The following EXOC6B variants were observed in gnomAD, a reference collection of about 807,000 sequenced individuals.
EXOC6B encodes the protein exocyst complex component 6B.
A neutral mutation model predicts 113.5 loss-of-function variants in EXOC6B; 54 were observed. The observed-to-expected ratio is 0.48, with a 90% CI of 0.38 to 0.60. EXOC6B has a LOEUF of 0.60. EXOC6B is among the 20% of genes least tolerant of loss of function. EXOC6B has a pLI of 0.00. For synonymous variants in EXOC6B, 357 were observed against 339.0 expected (o/e 1.05, Z -0.58); for missense variants, 797 against 977.5 (o/e 0.82, Z 2.46).
At chr2:72,540,056 T>C (rs1489329078) in intron 8 of EXOC6B, among the ~76,000 whole-genome samples, 3 of 151,148 alleles carry the variant, frequency 2.0e-5, no homozygotes, top group Non-Finnish European at 4.4e-5. Flanking sequence ...TTTGGTTTTT[T>C]GTTCTTGCGA....
chr2:72,706,317 C>A (rs1678875177), intron 6 of EXOC6B, among the ~76,000 whole-genome samples: 1 of 152,142 alleles, frequency 6.6e-6, no homozygotes, highest in African/African-American at 2.4e-5. Flanking sequence ...GTGTCATGGT[C>A]AGGAGGCTGG....
intron 6 of EXOC6B, among the ~76,000 whole-genome samples, chr2:72,667,027 T>C (rs928285845): frequency 6.6e-5 from 10 of 152,106 alleles, no homozygotes; most frequent in Non-Finnish European, 1.5e-5. Context: ...CACAGCCAGC[T>C]AATTTTTTTG....
intron 18 of EXOC6B, among the ~76,000 whole-genome samples, chr2:72,417,888 A>C (rs145571931): frequency 6.6e-6 from 1 of 151,918 alleles, no homozygotes; most frequent in African/African-American, 2.4e-5. Context: ...ATATATTTTT[A>C]TCTTATTTTG....
chr2:72,344,830 G>A (rs746959204), intron 19 of EXOC6B, among the ~76,000 whole-genome samples: 1 of 151,840 alleles, frequency 6.6e-6, no homozygotes, highest in South Asian at 2.1e-4. Context: ...AGAAGTAGGG[G>A]GAAAAAAAAG....
intron 20 of EXOC6B, among the ~76,000 whole-genome samples, chr2:72,265,787 T>A (rs1684037161): frequency 6.6e-6 from 1 of 152,162 alleles, no homozygotes; most frequent in African/African-American, 2.4e-5. Flanking sequence ...GATGGCTGGG[T>A]CAAATGGTAT....
chr2:72,794,110 G>A lies in EXOC6B; in HGVS notation c.113+31688C>T, dbSNP rs573733174. On this transcript the variant is annotated intron_variant, in intron 1 of 21. Transcript: ENST00000272427. Reference sequence around the variant, plus strand: ...GTTTTTCAGTACACTCACATTAATCGTCATATATAAACATCCTGTCACATG... The same window carrying A: ...GTTTTTCAGTACACTCACATTAATCATCATATATAAACATCCTGTCACATG... Among the ~76,000 whole-genome samples, 16 of 152,252 alleles carry A rather than the reference G, an allele frequency of 1.1e-4. 1 individual carries two copies. The South Asian group carries it at 2.9e-3, about 28-fold the overall frequency.
Position 72,522,863 on chromosome 2 carries a change from T to A in EXOC6B, c.916-7737A>T, listed in dbSNP as rs915315583. ...TTTCATTGAACTTTGCATACAAAAATCTGTTCTCCAGCATCATAATTTAGC... is the reference window on the plus strand; with the variant it reads ...TTTCATTGAACTTTGCATACAAAAAACTGTTCTCCAGCATCATAATTTAGC... On this transcript the variant is annotated intron_variant, in intron 8 of 21. Coordinates refer to ENST00000272427, the MANE Select transcript of EXOC6B (RefSeq NM_015189.3). 4.6e-5 allele frequency among the ~76,000 whole-genome samples: 7 copies of A among 152,186 alleles called. No homozygotes were observed. In the South Asian group the frequency reaches 1.4e-3, roughly 31 times the overall value.
intron 20 of EXOC6B, among the ~76,000 whole-genome samples, chr2:72,316,460 C>T (rs1156774149): frequency 6.6e-6 from 1 of 152,126 alleles, no homozygotes; most frequent in Non-Finnish European, 1.5e-5. Flanking sequence ...TTTGCCTTTT[C>T]CAGGGCTGTG....
intron 18 of EXOC6B, chr2:72,461,514 T>C (rs1235073657): frequency 6.6e-6 from 1 of 151,994 alleles, no homozygotes; most frequent in African/African-American, 2.4e-5. Flanking sequence ...AATGAATAAA[T>C]ATAAATTTAC....
At chr2:72,744,402 G>A (rs1350594369) in intron 1 of EXOC6B, among the ~76,000 whole-genome samples, 1 of 152,170 alleles carries the variant, frequency 6.6e-6, no homozygotes, top group Non-Finnish European at 1.5e-5. Context: ...GCTTTGACAA[G>A]TAGGAAAACT....
At chr2:72,444,709 C>T (rs976391277) in intron 18 of EXOC6B, among the ~76,000 whole-genome samples, 1 of 152,224 alleles carries the variant, frequency 6.6e-6, no homozygotes, top group African/African-American at 2.4e-5. Context: ...AGGGCCTGAG[C>T]TGTAGCTTGG....
At chr2:72,476,010 T>A (rs1015644305) in intron 17 of EXOC6B, among the ~76,000 whole-genome samples, 1 of 152,186 alleles carries the variant, frequency 6.6e-6, no homozygotes, top group African/African-American at 2.4e-5. Context: ...TAATGCGCTA[T>A]CTGTTGGAGT....
chr2:72,683,952 G>C (rs1676899582), intron 6 of EXOC6B, among the ~76,000 whole-genome samples: 1 of 152,038 alleles, frequency 6.6e-6, no homozygotes, highest in African/African-American at 2.4e-5. Flanking sequence ...ATTTATTTGA[G>C]ACAGAGTATT....
At chr2:72,725,386 C>A (rs996369184) in intron 5 of EXOC6B, among the ~76,000 whole-genome samples, 3 of 152,112 alleles carry the variant, frequency 2.0e-5, no homozygotes, top group African/African-American at 7.2e-5. Context: ...ACATTAAAGT[C>A]AAATAATAAG....
intron 8 of EXOC6B, chr2:72,515,646 T>A (rs1701174705): frequency 1.0e-6 from 1 of 989,114 alleles, no homozygotes; most frequent in Non-Finnish European, 1.2e-6. Flanking sequence ...AACAAAAGCA[T>A]GAAGATTCCT....
intron 6 of EXOC6B, among the ~76,000 whole-genome samples, chr2:72,580,292 C>A (rs1705142951): frequency 6.6e-6 from 1 of 151,644 alleles, no homozygotes; most frequent in South Asian, 2.1e-4. Context: ...CAGGCACGTG[C>A]CACCATGCTC....
intron 20 of EXOC6B, among the ~76,000 whole-genome samples, chr2:72,293,816 T>G (rs955162403): frequency 3.3e-5 from 5 of 152,090 alleles, no homozygotes; most frequent in Non-Finnish European, 7.4e-5. Flanking sequence ...AAGACCGTAG[T>G]GAATCATACA....
At position 72,194,569 on chromosome 2, in the gene EXOC6B, T is replaced by TTCTCTCTCTCTCTCTCTC. The variant is rs141826011; in HGVS notation, c.2197-10400_2197-10383dup. ...GCTCCCAATTGCTTGGGTGAATGAT[T>TTCTCTCTCTCTCTCTCTC]TCTCTCTCTCTCTCTCTCTCTCTCT... On this transcript the variant is annotated intron_variant, in intron 20 of 21. Coordinates refer to ENST00000272427, the MANE Select transcript of EXOC6B (RefSeq NM_015189.3). 2.4e-3 allele frequency among the ~76,000 whole-genome samples: 344 copies of TTCTCTCTCTCTCTCTCTC among 143,868 alleles called. 3 individuals are homozygous for TTCTCTCTCTCTCTCTCTC. The highest frequency in any genetic ancestry group is 8.5e-3 in the African/African-American group (312 of 36,892). 94.4% of individuals were successfully genotyped at this position (143,868 alleles called of 152,430 possible).
In EXOC6B at chr2:72,404,388, T is replaced by C. The variant is rs534902271; in HGVS notation, c.1981-24518A>G. 2.2e-4 allele frequency among the ~76,000 whole-genome samples: 33 copies of C among 152,324 alleles called. 1 individual carries two copies. Among genetic ancestry groups the C allele is most frequent in the African/African-American group, 7.0e-4 (29 of 41,572 alleles). On this transcript the variant is annotated intron_variant, in intron 18 of 21. Coordinates refer to ENST00000272427, the MANE Select transcript of EXOC6B (RefSeq NM_015189.3). ...GGTTCTCCCAGCACGCAGCTGGAGA[T>C]CTGAGAATGGACAGACTGCCTCTTC...
Sources: gnomAD v4.1 joint callset for allele counts (sites outside exome capture counted in the v4.1 genomes callset) on GRCh38, gnomAD v4.1.1 for gene constraint, MANE v1.5 for transcripts, NCBI Gene and HGNC (gene_info 2026-07-23, HGNC 2026-07-21) for gene names.